The following GPHN variants were observed in gnomAD, a reference collection of about 807,000 sequenced individuals.
The protein encoded by GPHN is gephyrin.
Under a neutral mutation model 95.5 loss-of-function variants are expected in GPHN, and 17 were observed. That is an observed-to-expected ratio of 0.18 (90% confidence interval 0.12 to 0.27). The LOEUF (loss-of-function observed/expected upper bound fraction) is 0.27, where lower values mean the gene tolerates loss of function less well. Ranked by LOEUF, GPHN falls within the 10% of genes least tolerant of loss-of-function variation. The probability of loss-of-function intolerance (pLI) is 1.00; values close to 1 mark genes in which losing one functional copy is unlikely to be tolerated. For missense variants in GPHN, 660 were observed against 978.1 expected (o/e 0.67, Z 4.34); for synonymous variants, 320 against 322.5 (o/e 0.99, Z 0.08).
chr14:66,857,079 A>G (rs1456692294), intron 4 of GPHN, among the ~76,000 whole-genome samples: 1 of 152,198 alleles, frequency 6.6e-6, no homozygotes. Context: ...TATTTGTTCT[A>G]GAAAGTCTAA....
At chr14:67,338,826 CT>C in the GPHN span, 1 of 1,452,964 alleles carries the variant, frequency 6.9e-7, no homozygotes, top group Admixed American at 2.1e-5. Flanking sequence ...GATTTGATTT[CT>C]TTGAGTTTTG....
the GPHN span, chr14:67,579,528 A>G: frequency 1.5e-6 from 1 of 651,886 alleles, no homozygotes; most frequent in Non-Finnish European, 2.6e-6. Context: ...AGGTATGCCC[A>G]GTTCATTTAC....
At chr14:67,532,580 T>A in the GPHN span, among the ~76,000 whole-genome samples, 1 of 152,042 alleles carries the variant, frequency 6.6e-6, no homozygotes, top group Admixed American at 6.5e-5. Context: ...TCCTGGGCCC[T>A]CCTTTAAAAT....
At chr14:67,569,115 C>T in the GPHN span, 2 of 1,566,976 alleles carry the variant, frequency 1.3e-6, no homozygotes, top group South Asian at 2.2e-5. Flanking sequence ...GGGCCCTGAG[C>T]TTCCTGAGAC....
the GPHN span, among the ~76,000 whole-genome samples, chr14:67,618,896 T>C: frequency 6.6e-6 from 1 of 152,236 alleles, no homozygotes; most frequent in Admixed American, 6.5e-5. Context: ...TGGAGACCTC[T>C]GAACTGTTTT....
At chr14:67,562,068 C>A in the GPHN span, 4 of 1,608,594 alleles carry the variant, frequency 2.5e-6, no homozygotes, top group African/African-American at 4.0e-5. Flanking sequence ...GTGTGCAGTA[C>A]GTGTGTTTGG....
chr14:67,002,028 C>T (rs1041596668), intron 9 of GPHN, among the ~76,000 whole-genome samples: 5 of 151,612 alleles, frequency 3.3e-5, no homozygotes, highest in African/African-American at 1.2e-4. Flanking sequence ...CCTTTCAAAG[C>T]ATTTCCTTCC....
chr14:66,798,002 A>C (rs1207815316), intron 3 of GPHN, among the ~76,000 whole-genome samples: 1 of 151,916 alleles, frequency 6.6e-6, no homozygotes, highest in Admixed American at 6.6e-5. Context: ...TATTCAGTCT[A>C]TCCTCAGTTT....
the GPHN span, among the ~76,000 whole-genome samples, chr14:67,653,219 A>G: frequency 6.6e-6 from 1 of 152,260 alleles, no homozygotes; most frequent in African/African-American, 2.4e-5. Context: ...TCAAAGCAGT[A>G]TATACTTTTA....
At chr14:67,316,874 TAGA>T in the GPHN span, 25 of 1,612,126 alleles carry the variant, frequency 1.6e-5, no homozygotes, top group East Asian at 4.5e-5. Context: ...AAACAAACCA[TAGA>T]AGAAGATAAG....
chr14:67,387,390 A>G, the GPHN span: 5 of 1,611,078 alleles, frequency 3.1e-6, no homozygotes, highest in Non-Finnish European at 4.2e-6. Context: ...GCTGGCCTGA[A>G]TGTAATAGTG....
intron 3 of GPHN, among the ~76,000 whole-genome samples, chr14:66,778,809 A>C (rs1364026228): frequency 3.1e-5 from 4 of 129,934 alleles, no homozygotes; most frequent in Non-Finnish European, 6.1e-5. Flanking sequence ...ATCTCAGCTC[A>C]CTGCAGCCTC....
chr14:67,586,229 A>G, the GPHN span: 1 of 1,184,340 alleles, frequency 8.4e-7, no homozygotes, highest in Non-Finnish European at 1.2e-6. Context: ...CTTGTCTGTA[A>G]TTAGTATTCC....
intron 2 of GPHN, among the ~76,000 whole-genome samples, chr14:66,742,567 G>GAA (rs2072882862): frequency 6.6e-6 from 1 of 152,092 alleles, no homozygotes; most frequent in African/African-American, 2.4e-5. Context: ...TAGAAGAAAC[G>GAA]GTGACAGTTT....
At chr14:67,418,572 T>C in the GPHN span, among the ~76,000 whole-genome samples, 2 of 152,114 alleles carry the variant, frequency 1.3e-5, no homozygotes, top group Non-Finnish European at 2.9e-5. Context: ...GCGGCCCAGA[T>C]AGGGGCTGCT....
chr14:67,650,009 T>C, the GPHN span: 3 of 152,298 alleles, frequency 2.0e-5, no homozygotes, highest in Non-Finnish European at 2.9e-5. Flanking sequence ...ACCGAGAACT[T>C]TGACACAAGT....
chr14:67,473,296 C>T, the GPHN span: 37 of 1,353,874 alleles, frequency 2.7e-5, no homozygotes, highest in Admixed American at 7.5e-4. This position sits in a 1 kb window ranked among gnomAD's most constrained non-coding sequence, Gnocchi z 6.5. Context: ...GCTCTGTGTG[C>T]CCTATAGGGC....
intron 1 of GPHN, among the ~76,000 whole-genome samples, chr14:66,510,024 A>G (rs2057977681): frequency 6.6e-6 from 1 of 152,206 alleles, no homozygotes; most frequent in Admixed American, 6.5e-5. Flanking sequence ...CCTAATTAAA[A>G]GACCCTTGGA....
chr14:67,321,705 C>G, the GPHN span, among the ~76,000 whole-genome samples: 50 of 152,290 alleles, frequency 3.3e-4, 1 homozygote, highest in African/African-American at 1.2e-3. Flanking sequence ...TGACCCGTCA[C>G]ATGAGGCCAG....
Sources: allele counts gnomAD v4.1 joint callset (sites outside exome capture counted in the v4.1 genomes callset), GRCh38; gene constraint gnomAD v4.1.1; non-coding constraint Gnocchi (gnomAD v3.1); transcripts MANE v1.5; gene names NCBI Gene and HGNC (gene_info 2026-07-23, HGNC 2026-07-21).